The following GUCY1A2 variants were observed in gnomAD, a reference collection of about 807,000 sequenced individuals.
GUCY1A2 encodes the protein guanylate cyclase soluble subunit alpha-2.
In GUCY1A2, 27 loss-of-function variants were observed where a neutral mutation model predicts 63.5. That is an observed-to-expected ratio of 0.43 (90% CI 0.31 to 0.59). The LOEUF is 0.59. Ranked by LOEUF, GUCY1A2 falls within the 20% of genes least tolerant of loss-of-function variation. The pLI, the probability that GUCY1A2 is intolerant of heterozygous loss-of-function variation, is 0.11. For missense variants in GUCY1A2, 768 were observed against 913.3 expected (o/e 0.84, Z 2.05); for synonymous variants, 364 against 343.5 (o/e 1.06, Z -0.66).
chr11:107,017,704 T>C, intron 1 of GUCY1A2, 49 bp downstream of exon 1: 1 of 1,158,912 alleles, frequency 8.6e-7, no homozygotes, highest in East Asian at 3.2e-5. Flanking sequence ...ACTTTACAGA[T>C]CCGCGTTCTC....
chr11:106,807,741 G>T (rs1858711332), intron 5 of GUCY1A2, among the ~76,000 whole-genome samples: 2 of 152,184 alleles, frequency 1.3e-5, no homozygotes, highest in East Asian at 1.9e-4. Flanking sequence ...ATCCAGGTGG[G>T]TACCATCTAA....
intron 4 of GUCY1A2, among the ~76,000 whole-genome samples, chr11:106,849,223 T>C (rs1859318719): frequency 6.6e-6 from 1 of 151,564 alleles, no homozygotes; most frequent in Non-Finnish European, 1.5e-5. Context: ...AAACACTTAT[T>C]AATTAGCTCA....
chr11:106,960,144 T>G (rs1313930373), intron 3 of GUCY1A2, among the ~76,000 whole-genome samples: 2 of 152,266 alleles, frequency 1.3e-5, no homozygotes, highest in Non-Finnish European at 2.9e-5. Context: ...ATAGTTGGAC[T>G]GTTGGTTGTT....
At chr11:106,766,433 A>G (rs1157501598) in intron 6 of GUCY1A2, among the ~76,000 whole-genome samples, 1 of 152,088 alleles carries the variant, frequency 6.6e-6, no homozygotes, top group Non-Finnish European at 1.5e-5. Flanking sequence ...TTTGTATTGA[A>G]TGTTTGCATA....
chr11:106,682,913 T>C lies in GUCY1A2; in HGVS notation c.*4636A>G, dbSNP rs1862455494. The C allele has an allele frequency of 9.3e-6, 2 of 216,174 alleles. No homozygotes were observed. The highest frequency in any genetic ancestry group is 1.9e-5 in the Non-Finnish European group (2 of 107,168). The allele number at this position is 216,174 out of a possible 1,614,324, so 13.4% of individuals were successfully genotyped here. On this transcript the variant is annotated 3_prime_UTR_variant, in exon 8 of 8. Transcript: ENST00000526355. ...TGTGAGGAAGGAATTTTGCACACTATCTCAGTATAGCCTGACAAGATTGTT... is the reference window on the plus strand; with the variant it reads ...TGTGAGGAAGGAATTTTGCACACTACCTCAGTATAGCCTGACAAGATTGTT...
At chr11:107,013,395 T>A (rs1480876343) in intron 1 of GUCY1A2, among the ~76,000 whole-genome samples, 1 of 152,222 alleles carries the variant, frequency 6.6e-6, no homozygotes, top group East Asian at 1.9e-4. Flanking sequence ...CATTTAAGAA[T>A]AAAATCCAAA....
chr11:106,707,934 T>C (rs1462688856), intron 7 of GUCY1A2, among the ~76,000 whole-genome samples: 1 of 152,156 alleles, frequency 6.6e-6, no homozygotes, highest in Non-Finnish European at 1.5e-5. Context: ...AACACGATAC[T>C]GAAAGGAAAT....
chr11:106,775,361 G>A (rs933952658), intron 6 of GUCY1A2, among the ~76,000 whole-genome samples: 2 of 152,064 alleles, frequency 1.3e-5, no homozygotes, highest in African/African-American at 2.4e-5. Flanking sequence ...CATGGAATCT[G>A]TGGAAATAAT....
chr11:106,691,211 A>T (rs1335485118), intron 7 of GUCY1A2, among the ~76,000 whole-genome samples: 1 of 152,204 alleles, frequency 6.6e-6, no homozygotes, highest in Non-Finnish European at 1.5e-5. Flanking sequence ...GGGGACTTGC[A>T]GAATAAGTTA....
chr11:106,989,446 T>C (rs549148573), intron 1 of GUCY1A2, among the ~76,000 whole-genome samples: 6 of 152,264 alleles, frequency 3.9e-5, no homozygotes, highest in African/African-American at 1.4e-4. Flanking sequence ...GTTACATATG[T>C]GTACCTTATT....
At chr11:106,929,518 G>A (rs1236564880) in intron 4 of GUCY1A2, among the ~76,000 whole-genome samples, 1 of 151,780 alleles carries the variant, frequency 6.6e-6, no homozygotes, top group Non-Finnish European at 1.5e-5. Flanking sequence ...CAGAATCAAA[G>A]TTTTTTTTCA....
At position 106,679,741 on chromosome 11, in the gene GUCY1A2, A is replaced by G. The variant is rs189403991; in HGVS notation, c.*7808T>C. 9 of 219,240 alleles carry G rather than the reference A, an allele frequency of 4.1e-5. No individual in the cohort carries two copies. Among genetic ancestry groups the G allele is most frequent in the Non-Finnish European group, 7.3e-5 (8 of 109,246 alleles). The allele number at this position is 219,240 out of a possible 1,614,324, so 13.6% of individuals were successfully genotyped here. On this transcript the variant is annotated 3_prime_UTR_variant, in exon 8 of 8. Transcript: ENST00000526355. The stretch of plus-strand genomic sequence containing the variant: ...AGCAGGGTTTTCTGTGGCATATGGC[A>G]GAGCTGGTATTGGGCCTTCTTTGTT...
intron 4 of GUCY1A2, among the ~76,000 whole-genome samples, chr11:106,917,627 G>A (rs1157380019): frequency 3.5e-5 from 5 of 144,112 alleles, no homozygotes; most frequent in African/African-American, 1.2e-4. Context: ...AAAAGGATGA[G>A]TTCATGTCCT....
chr11:106,783,599 G>C (rs1358156384), intron 5 of GUCY1A2, among the ~76,000 whole-genome samples: 1 of 152,146 alleles, frequency 6.6e-6, no homozygotes, highest in East Asian at 1.9e-4. Flanking sequence ...GTGATATCCT[G>C]CTCCTACAGG....
At chr11:106,746,647 GA>G in intron 6 of GUCY1A2, 1 of 1,562,862 alleles carries the variant, frequency 6.4e-7, no homozygotes, top group Non-Finnish European at 8.7e-7. Context: ...TCTGGGGCTT[GA>G]AAAGTCACAC....
At chr11:106,897,629 G>A (rs1160921411) in intron 4 of GUCY1A2, among the ~76,000 whole-genome samples, 2 of 151,494 alleles carry the variant, frequency 1.3e-5, no homozygotes, top group South Asian at 2.1e-4. Context: ...TCAACAAATG[G>A]TGCTAGAACA....
intron 6 of GUCY1A2, among the ~76,000 whole-genome samples, chr11:106,737,385 G>A (rs1397199551): frequency 6.6e-6 from 1 of 152,066 alleles, no homozygotes; most frequent in Non-Finnish European, 1.5e-5. Context: ...TTCTCTTAGA[G>A]TGGACCATCT....
At chr11:107,000,233 T>C (rs1861595410) in intron 1 of GUCY1A2, among the ~76,000 whole-genome samples, 1 of 152,236 alleles carries the variant, frequency 6.6e-6, no homozygotes, top group Non-Finnish European at 1.5e-5. Flanking sequence ...AGAGAAAGAC[T>C]TTATAGCTTG....
At chr11:106,829,686 G>A (rs79875437) in intron 4 of GUCY1A2, among the ~76,000 whole-genome samples, 2 of 152,136 alleles carry the variant, frequency 1.3e-5, no homozygotes, top group Non-Finnish European at 2.9e-5. Context: ...TAAGAAGGGA[G>A]TTACAGTGTT....
Sources: allele counts gnomAD v4.1 joint callset (sites outside exome capture counted in the v4.1 genomes callset), GRCh38; gene constraint gnomAD v4.1.1; transcripts MANE v1.5; gene names NCBI Gene and HGNC (gene_info 2026-07-23, HGNC 2026-07-21).